Variants in ASAP2 observed in about 807,000 individuals in gnomAD.
ASAP2 encodes ArfGAP with SH3 domain, ankyrin repeat and PH domain 2.
ASAP2 carries 45 observed loss-of-function variants against 131.4 expected under a neutral mutation model. That is an observed-to-expected ratio of 0.34 (90% CI 0.27 to 0.44). The LOEUF (loss-of-function observed/expected upper bound fraction) is 0.44. Among genes scored for constraint, ASAP2 ranks in the 20% least tolerant of loss-of-function variants. The pLI is 1.00. For missense variants in ASAP2, 1,011 were observed against 1,297.0 expected, an observed-to-expected ratio of 0.78 and a Z score of 3.39; for synonymous variants, 510 against 503.0, an observed-to-expected ratio of 1.01 and a Z score of -0.19.
intron 5 of ASAP2, 65 bp downstream of exon 5, chr2:9,320,402 G>C (rs987040526): frequency 8.2e-7 from 1 of 1,219,018 alleles, no homozygotes; most frequent in Admixed American, 1.8e-5. Flanking sequence ...AACCAACCTC[G>C]TATTGCTTAA....
At chr2:9,262,946 G>A (rs1413375961) in intron 1 of ASAP2, among the ~76,000 whole-genome samples, 1 of 152,232 alleles carries the variant, frequency 6.6e-6, no homozygotes, top group East Asian at 1.9e-4. Context: ...AAGTTCATGT[G>A]GCTTGAGCCT....
In ASAP2 at chr2:9,322,998, G is replaced by A. The variant is rs904052528; in HGVS notation, c.471-123G>A. ...TTCCTTTTGAGGGAGTTGAGAGGCT[G>A]CCTGTGCTGAAACGTGTGGTGAGCG... On this transcript the variant is annotated intron_variant, in intron 5 of 27. Transcript: ENST00000281419. 5.9e-6 allele frequency: 7 copies of A among 1,184,458 alleles called. No homozygotes were observed. The East Asian group carries it at 1.2e-4, about 20-fold the overall frequency. The allele number at this position is 1,184,458 out of a possible 1,614,324, so 73.4% of individuals were successfully genotyped here. A position where few individuals can be genotyped will look rare whatever the true frequency, so the allele number is the denominator to read the frequency against.
At chr2:9,351,626 G>A (rs78131214) in intron 12 of ASAP2, among the ~76,000 whole-genome samples, 1,734 of 152,310 alleles carry the variant, frequency 0.011, 50 homozygotes, top group East Asian at 0.091. Flanking sequence ...GGACCACGCC[G>A]GACTGTGTAC....
intron 7 of ASAP2, among the ~76,000 whole-genome samples, chr2:9,331,532 C>T (rs1326593572): frequency 4.6e-5 from 7 of 152,086 alleles, no homozygotes; most frequent in Non-Finnish European, 7.4e-5. Context: ...CTTTGGGAGG[C>T]CAAGGGGGGC....
In ASAP2 at chr2:9,311,621, A is replaced by G. The variant is rs1224061509; in HGVS notation, c.346-6903A>G. On this transcript the variant is annotated intron_variant, in intron 3 of 27. Transcript: ENST00000281419. This position sits in a 1 kb window ranked among gnomAD's most constrained non-coding sequence, Gnocchi z 5.2. ...GTCATTACTCATAAATTGAGACTGG[A>G]GCTGCCTGAGCACAAGGGATATGTA... Among the ~76,000 whole-genome samples, 1 of 152,140 alleles carries G rather than the reference A, an allele frequency of 6.6e-6. No homozygotes were observed. Among genetic ancestry groups the G allele is most frequent in the African/African-American group, 2.4e-5 (1 of 41,432 alleles).
chr2:9,207,173 C>A lies in ASAP2; in HGVS notation c.69C>A (p.Ala23=). ...ETHEDYKAPT[A]SSFTTRTAQC... is the part of the protein sequence containing the mutation. ...ATGAGGACTACAAGGCGCCCACGGC[C>A]TCCAGCTTCACCACCCGCACGGCGC... The change falls in exon 1 of 28, where the codon GCC becomes GCA. Residue 23 remains alanine (A), a synonymous_variant. Transcript: ENST00000281419. The surrounding 1 kb of genome is among the most constrained non-coding windows in gnomAD (Gnocchi z 4.1). 1.2e-6 allele frequency: 2 copies of A among 1,605,890 alleles called. No homozygotes were observed. The highest frequency in any genetic ancestry group is 1.7e-6 in the Non-Finnish European group (2 of 1,176,804).
intron 5 of ASAP2, among the ~76,000 whole-genome samples, chr2:9,321,247 G>GGTGAA (rs1308347492): frequency 2.0e-5 from 3 of 152,018 alleles, no homozygotes; most frequent in Non-Finnish European, 2.9e-5. Context: ...TCTTTCCAGT[G>GGTGAA]GTGAAGGATC....
chr2:9,249,459 T>G (rs566551311), intron 1 of ASAP2, among the ~76,000 whole-genome samples: 12 of 152,196 alleles, frequency 7.9e-5, no homozygotes, highest in Non-Finnish European at 1.8e-4. Flanking sequence ...TTTGCTCTGA[T>G]GGGGAGTAAT....
intron 3 of ASAP2, among the ~76,000 whole-genome samples, chr2:9,314,448 C>T (rs574185265): frequency 3.9e-5 from 6 of 152,222 alleles, no homozygotes; most frequent in South Asian, 2.1e-4. Context: ...TTCACATATT[C>T]GATGCCCAAA....
Position 9,400,249 on chromosome 2 carries a change from T to TCCCCTCCTGCCCTCCTGCCCCCC in ASAP2, c.2734+177_2734+178insCCCCTCCTGCCCTCCTGCCCCCC, listed in dbSNP as rs1558405904. Among the ~76,000 whole-genome samples, 6 of 21,844 alleles carry TCCCCTCCTGCCCTCCTGCCCCCC rather than the reference T, an allele frequency of 2.7e-4. No individual in the cohort carries two copies. The African/African-American group carries it at 2.7e-3, about 10-fold the overall frequency. 14.3% of individuals were successfully genotyped at this position (21,844 alleles called of 152,430 possible). On this transcript the variant is annotated intron_variant, in intron 25 of 27. Transcript: ENST00000281419. ...TCCTGCCCCCTCCCCTCCTGCCCCC[T>TCCCCTCCTGCCCTCCTGCCCCCC]TCCCCTCCTGCCCTCTTCCTCTCCT...
intron 1 of ASAP2, among the ~76,000 whole-genome samples, chr2:9,209,848 C>T (rs1045575668): frequency 2.8e-4 from 43 of 152,354 alleles, no homozygotes; most frequent in African/African-American, 1.0e-3. Flanking sequence ...GGATTACAGG[C>T]GTGAGCCACC....
intron 1 of ASAP2, among the ~76,000 whole-genome samples, chr2:9,228,347 A>C (rs1047682024): frequency 2.0e-5 from 3 of 152,052 alleles, no homozygotes; most frequent in African/African-American, 7.3e-5. Context: ...CATCCTGCCT[A>C]CTCACTTGGT....
At chr2:9,249,931 G>T (rs572854313) in intron 1 of ASAP2, among the ~76,000 whole-genome samples, 1 of 152,206 alleles carries the variant, frequency 6.6e-6, no homozygotes, top group African/African-American at 2.4e-5. Context: ...TTGGGCCACC[G>T]TCTCCTGCCC....
intron 1 of ASAP2, among the ~76,000 whole-genome samples, chr2:9,220,373 T>A (rs897918940): frequency 4.6e-5 from 7 of 152,226 alleles, no homozygotes; most frequent in African/African-American, 1.7e-4. Context: ...TTTCTCCACA[T>A]CCTTGACAAC....
Position 9,400,783 on chromosome 2 carries a change from G to A in ASAP2, c.2776G>A (p.Ala926Thr), listed in dbSNP as rs780528589. The stretch of plus-strand genomic sequence containing the variant: ...GGAAGCTCTGGGTCCTCTGTCCAAT[G>A]CTATGGTCCTGCAGCCCCCTGCACC... ...ATEALGPLSN[A>T]MVLQPPAPMP... The change falls in exon 26 of 28, where the codon GCT becomes ACT. Residue 926 changes from alanine to threonine, a missense_variant. Ala to Thr is a moderately conservative substitution (Grantham distance 58, BLOSUM62 0). This residue lies in a region of ASAP2 where 652 missense variants were observed against 698.9 expected (regional missense o/e 0.93). Coordinates refer to ENST00000281419, the MANE Select transcript of ASAP2 (RefSeq NM_003887.3). The A allele has an allele frequency of 1.2e-6, 2 of 1,613,632 alleles. No individual in the cohort carries two copies. The highest frequency in any genetic ancestry group is 1.7e-5 in the Admixed American group (1 of 59,996).
intron 3 of ASAP2, among the ~76,000 whole-genome samples, chr2:9,315,711 T>C (rs1028398860): frequency 1.1e-4 from 16 of 152,170 alleles, no homozygotes; most frequent in Admixed American, 3.3e-4. Flanking sequence ...AGGTTACTCA[T>C]CAGCACGGCC....
intron 24 of ASAP2, chr2:9,399,814 G>C: frequency 1.7e-6 from 1 of 591,844 alleles, no homozygotes; most frequent in East Asian, 2.9e-5. Context: ...AAAAGCCCTG[G>C]TTTTAGGATC....
rs1677010174 is a variant in ASAP2 at position 9,404,358 on chromosome 2, G to T, written c.*1031G>T. ...TCTGTTTATAATCAAGAACATATCA[G>T]AAATATATAGGTCCCAGGTAATACT... is the stretch of plus-strand genomic sequence containing the variant. On this transcript the variant is annotated 3_prime_UTR_variant, in exon 28 of 28. Transcript: ENST00000281419. 6.6e-6 allele frequency: 1 copy of T among 152,188 alleles called. No individual in the cohort carries two copies. The highest frequency in any genetic ancestry group is 6.5e-5 in the Admixed American group (1 of 15,274). The allele number at this position is 152,188 out of a possible 1,614,324, so 9.4% of individuals were successfully genotyped here. A position where few individuals can be genotyped will look rare whatever the true frequency, so the allele number is the denominator to read the frequency against.
At chr2:9,286,749 G>A (rs1164480569) in intron 2 of ASAP2, among the ~76,000 whole-genome samples, 1 of 152,100 alleles carries the variant, frequency 6.6e-6, no homozygotes, top group East Asian at 1.9e-4. Context: ...GCTGCTTGCT[G>A]GAATTATGTT....
Sources: allele counts gnomAD v4.1 joint callset (sites outside exome capture counted in the v4.1 genomes callset), GRCh38; gene constraint gnomAD v4.1.1; regional missense constraint gnomAD v4.1.1; non-coding constraint Gnocchi (gnomAD v3.1); transcripts MANE v1.5; gene names NCBI Gene and HGNC (gene_info 2026-07-23, HGNC 2026-07-21).